Variants in CFAP61 observed in about 807,000 individuals in gnomAD.
CFAP61 encodes cilia and flagella associated protein 61, also known as cilia- and flagella-associated protein 61.
A neutral mutation model predicts 135.6 loss-of-function variants in CFAP61; 107 were observed. That is an observed-to-expected ratio of 0.79 (90% confidence interval 0.67 to 0.93). The LOEUF (loss-of-function observed/expected upper bound fraction) is 0.93. Among genes scored for constraint, CFAP61 ranks in the 40% least tolerant of loss-of-function variants. The probability of loss-of-function intolerance (pLI) is 0.00; values close to 1 mark genes in which losing one functional copy is unlikely to be tolerated. For missense variants in CFAP61, 1,507 were observed against 1,556.2 expected, an observed-to-expected ratio of 0.97 and a Z score of 0.53; for synonymous variants, 575 against 578.5, an observed-to-expected ratio of 0.99 and a Z score of 0.09.
rs140696002 is a variant in CFAP61 at position 20,056,444 on chromosome 20, C to T, written c.-36-174C>T. Among the ~76,000 whole-genome samples the T allele has an allele frequency of 2.2e-4, 33 of 152,288 alleles. 1 individual carries two copies. In the East Asian group the frequency reaches 6.0e-3, roughly 28 times the overall value. On this transcript the variant is annotated intron_variant, in intron 1 of 26. Transcript: ENST00000245957. ...GGCCAGTTCTCAGAAACTTCATTCT[C>T]CTATGGAGGAACGTCAGCTGGTTTG...
chr20:20,160,935 C>T (rs1347130342), intron 10 of CFAP61, among the ~76,000 whole-genome samples: 11 of 152,300 alleles, frequency 7.2e-5, no homozygotes, highest in East Asian at 3.9e-4. Flanking sequence ...TCTAGGCTTT[C>T]GGAGATCCAG....
chr20:20,212,523 C>A (rs577840545), intron 17 of CFAP61, among the ~76,000 whole-genome samples: 9 of 152,278 alleles, frequency 5.9e-5, no homozygotes, highest in African/African-American at 1.9e-4. Flanking sequence ...CACCAGAAGC[C>A]AGGTGGGTTT....
intron 13 of CFAP61, chr20:20,171,831 T>A: frequency 2.9e-6 from 2 of 697,222 alleles, no homozygotes; most frequent in Non-Finnish European, 5.3e-6. Context: ...GTCAAAGGGC[T>A]CTGTGGCATG....
intron 8 of CFAP61, among the ~76,000 whole-genome samples, chr20:20,099,582 G>T (rs1001700386): frequency 1.2e-4 from 19 of 152,092 alleles, no homozygotes; most frequent in African/African-American, 4.1e-4. Flanking sequence ...CCCACACGGG[G>T]GGGGGGTTGT....
At chr20:20,272,161 C>A (rs1433243800) in intron 21 of CFAP61, among the ~76,000 whole-genome samples, 2 of 152,100 alleles carry the variant, frequency 1.3e-5, no homozygotes, top group Non-Finnish European at 2.9e-5. Flanking sequence ...ATGCTGTAGG[C>A]CAGTGTGGTG....
intron 13 of CFAP61, among the ~76,000 whole-genome samples, chr20:20,175,495 TTTTGTTTTGTTTTGTTTTG>T (rs1569067617): frequency 0.021 from 89 of 4,236 alleles, no homozygotes; most frequent in African/African-American, 0.052. Flanking sequence ...TTTGTTTTTG[TTTTGTTTTGTTTTGTTTTG>T]TTTTGTTTTG....
At chr20:20,087,924 G>A (rs777562537) in intron 6 of CFAP61, among the ~76,000 whole-genome samples, 29 of 151,344 alleles carry the variant, frequency 1.9e-4, no homozygotes, top group Non-Finnish European at 3.2e-4. Context: ...TTATGGTGGC[G>A]CCTCAGTCCA....
intron 17 of CFAP61, chr20:20,214,992 A>T (rs1467204940): frequency 2.0e-5 from 3 of 152,222 alleles, no homozygotes; most frequent in Non-Finnish European, 2.9e-5. Flanking sequence ...CCACTCAGAC[A>T]CTGACAGAGA....
intron 13 of CFAP61, among the ~76,000 whole-genome samples, chr20:20,181,378 A>G (rs1305698024): frequency 1.3e-5 from 2 of 151,476 alleles, no homozygotes; most frequent in Non-Finnish European, 2.9e-5. Context: ...ACTTTCATAT[A>G]TGATATTCTA....
intron 24 of CFAP61, among the ~76,000 whole-genome samples, chr20:20,296,326 CCCTT>C (rs56388322): frequency 0.13 from 4,351 of 34,278 alleles, 350 homozygotes; most frequent in Middle Eastern, 0.21. Context: ...CTCCTTCCTT[CCCTT>C]CCTTCCTTCC....
At chr20:20,356,633 A>G (rs374352666) in intron 26 of CFAP61, among the ~76,000 whole-genome samples, 3 of 20,604 alleles carry the variant, frequency 1.5e-4, no homozygotes, top group Admixed American at 4.4e-4. Context: ...TCACACTGAG[A>G]GGAGGTGGTC....
intron 18 of CFAP61, among the ~76,000 whole-genome samples, chr20:20,237,628 A>G (rs1292346151): frequency 6.6e-6 from 1 of 152,180 alleles, no homozygotes; most frequent in Non-Finnish European, 1.5e-5. Context: ...AATTTTTACT[A>G]ACAACAAAAA....
In CFAP61 at chr20:20,172,236, AG is replaced by A. The variant is rs199730873; in HGVS notation, c.1385+2778del. ...GTAACCTTATATGCCTCTGGGAAAC[AG>A]GACTGGGAATTGTAGGTGAAGATGG... On this transcript the variant is annotated intron_variant, in intron 13 of 26. Transcript: ENST00000245957. 2.4e-3 allele frequency: 2,402 copies of A among 983,776 alleles called. 47 individuals are homozygous for A. In the African/African-American group the frequency reaches 0.039, roughly 16 times the overall value. 60.9% of individuals were successfully genotyped at this position (983,776 alleles called of 1,614,324 possible).
At chr20:20,269,456 C>T (rs1447448410) in intron 21 of CFAP61, among the ~76,000 whole-genome samples, 1 of 152,106 alleles carries the variant, frequency 6.6e-6, no homozygotes, top group African/African-American at 2.4e-5. Context: ...ACTGCAACCT[C>T]TGCCTCTCAG....
At chr20:20,113,777 G>C (rs1322492200) in intron 8 of CFAP61, among the ~76,000 whole-genome samples, 1 of 152,120 alleles carries the variant, frequency 6.6e-6, no homozygotes, top group East Asian at 1.9e-4. Flanking sequence ...CTGTGTCACA[G>C]ATTAAATGTC....
intron 14 of CFAP61, among the ~76,000 whole-genome samples, chr20:20,190,447 G>C (rs1488210997): frequency 6.6e-6 from 1 of 152,194 alleles, no homozygotes; most frequent in African/African-American, 2.4e-5. Context: ...TGATGCCAGA[G>C]GTTAAGGATG....
chr20:20,356,592 GGGGAGGTGGTCACAC>G, intron 26 of CFAP61, among the ~76,000 whole-genome samples: 2 of 36,984 alleles, frequency 5.4e-5, no homozygotes, highest in Non-Finnish European at 6.0e-5. Context: ...TGGTCACACT[GGGGAGGTGGTCACAC>G]TGTGAGGGGA....
At chr20:20,097,299 TA>T (rs1204403541) in intron 7 of CFAP61, among the ~76,000 whole-genome samples, 3 of 152,186 alleles carry the variant, frequency 2.0e-5, no homozygotes, top group Non-Finnish European at 4.4e-5. Context: ...ACTTGAGAGA[TA>T]GGACCCAGTA....
chr20:20,317,294 A>C (rs2057191973), intron 25 of CFAP61, among the ~76,000 whole-genome samples: 1 of 152,096 alleles, frequency 6.6e-6, no homozygotes, highest in Non-Finnish European at 1.5e-5. Context: ...AAGCTTTCAG[A>C]TCTGAATCAC....
Sources: gnomAD v4.1 joint callset for allele counts (sites outside exome capture counted in the v4.1 genomes callset) on GRCh38, gnomAD v4.1.1 for gene constraint, MANE v1.5 for transcripts, NCBI Gene and HGNC (gene_info 2026-07-23, HGNC 2026-07-21) for gene names.